The following NUDT13 variants were observed in gnomAD, a reference collection of about 807,000 sequenced individuals.
NUDT13 encodes the protein nudix hydrolase 13, also known as NAD(P)H pyrophosphatase NUDT13, mitochondrial.
Under a neutral mutation model 41.7 loss-of-function variants are expected in NUDT13, and 40 were observed. That is an observed-to-expected ratio of 0.96 (90% CI 0.75 to 1.25). The LOEUF is 1.25. Among genes scored for constraint, NUDT13 ranks in the 50% most tolerant of loss-of-function variants. The pLI is 0.00. For missense variants in NUDT13, 390 were observed against 416.1 expected (o/e 0.94, Z 0.55); for synonymous variants, 145 against 155.5 (o/e 0.93, Z 0.50).
rs752799303 is a variant in NUDT13 at position 73,126,693 on chromosome 10, A to G, written c.724A>G (p.Ile242Val). The G allele has an allele frequency of 6.2e-7, 1 of 1,614,200 alleles. No individual in the cohort carries two copies. The change falls in exon 8 of 9, where the codon ATC becomes GTC. Residue 242 changes from isoleucine to valine, a missense_variant. Ile to Val is a conservative substitution (Grantham distance 29, BLOSUM62 3). Coordinates refer to ENST00000357321, the MANE Select transcript of NUDT13 (RefSeq NM_015901.6). ...TGTAGGTGAAAGTGTGGAAGAGACC[A>G]TCCGCCGAGAAGTTGCAGAAGAGGT... ...CDIGESVEET[I>V]RREVAEEVGL...
rs760290897 is a variant in NUDT13 at position 73,120,045 on chromosome 10, T to C, written c.111T>C (p.Asp37=). ...TRYLFELKED[D]DACKKAQQTG... is the part of the protein sequence containing the mutation. ...ATTTATTTGAACTGAAGGAAGATGA[T>C]GATGCATGTAAAAAAGCCCAGCAAA... The change falls in exon 3 of 9, where the codon GAT becomes GAC. Residue 37 remains aspartate, a synonymous_variant. Transcript: ENST00000357321. 6 of 1,614,182 alleles carry C rather than the reference T, an allele frequency of 3.7e-6. No individual in the cohort carries two copies. The Admixed American group carries it at 6.7e-5, about 18-fold the overall frequency.
At chr10:73,114,329 T>C in intron 1 of NUDT13, 28 bp from the exon 2 acceptor site, 2 of 1,227,576 alleles carry the variant, frequency 1.6e-6, no homozygotes, top group South Asian at 1.5e-5. Context: ...TATGACTTTT[T>C]TTAAAACTCC....
chr10:73,119,733 C>T (rs1842597556), intron 2 of NUDT13, among the ~76,000 whole-genome samples: 1 of 152,148 alleles, frequency 6.6e-6, no homozygotes, highest in Non-Finnish European at 1.5e-5. Context: ...TAAAGCATAC[C>T]TTCCCCTTAA....
Position 73,130,843 on chromosome 10 carries a change from C to T in NUDT13, c.999C>T (p.Ile333=), listed in dbSNP as rs377517277. Residue 333 remains isoleucine (I), a synonymous_variant, in exon 9 of 9, where the codon ATC becomes ATT. Transcript: ENST00000357321. ...TCTGGCTGCCCCCTAAGTTAGCCAT[C>T]TCCCACCAACTGATTAAGGAGTGGG... ...FPFWLPPKLA[I]SHQLIKEWVE... is the part of the protein sequence containing the mutation. 6.2e-7 allele frequency: 1 copy of T among 1,614,008 alleles called. No individual in the cohort carries two copies. Among genetic ancestry groups the T allele is most frequent in the Non-Finnish European group, 8.5e-7 (1 of 1,179,962 alleles).
intron 3 of NUDT13, among the ~76,000 whole-genome samples, chr10:73,121,460 G>A (rs1446266501): frequency 6.6e-6 from 1 of 152,178 alleles, no homozygotes; most frequent in African/African-American, 2.4e-5. Flanking sequence ...GTTTTTGTGT[G>A]TGTTATGTTG....
intron 8 of NUDT13, among the ~76,000 whole-genome samples, chr10:73,127,565 C>T (rs888796894): frequency 6.6e-6 from 1 of 150,964 alleles, no homozygotes; most frequent in Non-Finnish European, 1.5e-5. Flanking sequence ...TGCAGTGGCG[C>T]GATCTCGGCT....
At position 73,114,403 on chromosome 10, in the gene NUDT13, T is replaced by G. The variant is rs752117831; in HGVS notation, c.38T>G (p.Phe13Cys). The G allele has an allele frequency of 6.3e-7, 1 of 1,597,760 alleles. No homozygotes were observed. The highest frequency in any genetic ancestry group is 1.7e-5 in the Admixed American group (1 of 59,718). Reference sequence around the variant, plus strand: ...TGTGGAATAGCTTGCAGGAGAAAATTTTTTTGGTGCTATAGGCTGCTGTCA... The same window carrying G: ...TGTGGAATAGCTTGCAGGAGAAAATGTTTTTGGTGCTATAGGCTGCTGTCA... ...LYCGIACRRK[F>C]FWCYRLLSTY... The change falls in exon 2 of 9, where the codon TTT (phenylalanine) becomes TGT (cysteine). Residue 13 changes from phenylalanine to cysteine, a missense_variant. Physicochemically the swap from Phe to Cys is radical, Grantham distance 205. Transcript: ENST00000357321.
At chr10:73,126,905 C>T (rs1027393697) in intron 8 of NUDT13, 78 bp downstream of exon 8, 10 of 1,227,816 alleles carry the variant, frequency 8.1e-6, no homozygotes, top group South Asian at 2.5e-5. Context: ...ACTTATTAAG[C>T]ACTTGTCTAG....
At position 73,131,027 on chromosome 10, in the gene NUDT13, G is replaced by T. The variant is rs1842906472; in HGVS notation, c.*124G>T. 4 of 730,560 alleles carry T rather than the reference G, an allele frequency of 5.5e-6. No homozygotes were observed. In the East Asian group the frequency reaches 1.1e-4, roughly 20 times the overall value. 45.3% of individuals were successfully genotyped at this position (730,560 alleles called of 1,614,324 possible). On this transcript the variant is annotated 3_prime_UTR_variant, in exon 9 of 9. Transcript: ENST00000357321. The stretch of plus-strand genomic sequence containing the variant: ...ACCTCAGAAGGGCAGAGCAAAGGGT[G>T]AGCCTACAGTAAGACACTTCTATCA...
intron 2 of NUDT13, among the ~76,000 whole-genome samples, chr10:73,116,266 C>A (rs572850956): frequency 1.2e-4 from 19 of 152,162 alleles, no homozygotes; most frequent in African/African-American, 4.6e-4. Flanking sequence ...GCCTTTACCT[C>A]CCAAAGTGCT....
chr10:73,130,244 C>T (rs1842883458), intron 8 of NUDT13: 1 of 151,666 alleles, frequency 6.6e-6, no homozygotes, highest in Non-Finnish European at 1.5e-5. Context: ...GGGTGGATCA[C>T]AAGATCAGGA....
In NUDT13 at chr10:73,131,473, T is replaced by C. The variant is rs1297527977; in HGVS notation, c.*570T>C. On this transcript the variant is annotated 3_prime_UTR_variant, in exon 9 of 9. Coordinates refer to ENST00000357321, the MANE Select transcript of NUDT13 (RefSeq NM_015901.6). ...ACAATTAAGTCATTATGACTCAGAGTACTTTATAATAAATCAGATGCCCTG... is the reference window on the plus strand; with the variant it reads ...ACAATTAAGTCATTATGACTCAGAGCACTTTATAATAAATCAGATGCCCTG... 6.5e-6 allele frequency: 1 copy of C among 154,984 alleles called. No individual in the cohort carries two copies. Among genetic ancestry groups the C allele is most frequent in the Non-Finnish European group, 1.4e-5 (1 of 69,782 alleles). 9.6% of individuals were successfully genotyped at this position (154,984 alleles called of 1,614,324 possible). A position where few individuals can be genotyped will look rare whatever the true frequency, so the allele number is the denominator to read the frequency against.
chr10:73,115,326 G>A (rs1052622017), intron 2 of NUDT13, among the ~76,000 whole-genome samples: 1 of 152,130 alleles, frequency 6.6e-6, no homozygotes, highest in Non-Finnish European at 1.5e-5. Flanking sequence ...ACAGGCATAT[G>A]CCACCATGCC....
Position 73,114,339 on chromosome 10 carries a change from CTTTTT to C in NUDT13, c.-9-8_-9-4del. ...CATATTATGACTTTTTTTAAAACTC[CTTTTT>C]TTTTTTTTTAAGGACCTGACAATGT... is the stretch of plus-strand genomic sequence containing the variant. On this transcript the variant is annotated splice_polypyrimidine_tract_variant and intron_variant, in intron 1 of 8. Coordinates refer to ENST00000357321, the MANE Select transcript of NUDT13 (RefSeq NM_015901.6). 5.5e-6 allele frequency: 6 copies of C among 1,081,202 alleles called. No individual in the cohort carries two copies. The highest frequency in any genetic ancestry group is 2.7e-5 in the East Asian group (1 of 37,254). 67.0% of individuals were successfully genotyped at this position (1,081,202 alleles called of 1,614,324 possible). A position where few individuals can be genotyped will look rare whatever the true frequency, so the allele number is the denominator to read the frequency against.
Position 73,125,210 on chromosome 10 carries a change from G to A in NUDT13, c.558G>A (p.Val186=). ...AGAACGTGGCTGGCAGCAAGCGTGTGTGCCCTTCCAATAATATAATCTATT... is the reference window on the plus strand; with the variant it reads ...AGAACGTGGCTGGCAGCAAGCGTGTATGCCCTTCCAATAATATAATCTATT... The part of the protein sequence containing the change: ...TKKNVAGSKR[V]CPSNNIIYYP... Residue 186 remains valine (V), a synonymous_variant, in exon 6 of 9, where the codon GTG becomes GTA. Transcript: ENST00000357321. 1.2e-6 allele frequency: 2 copies of A among 1,613,030 alleles called. No homozygotes were observed. Among genetic ancestry groups the A allele is most frequent in the Admixed American group, 1.7e-5 (1 of 59,568 alleles).
At position 73,125,442 on chromosome 10, in the gene NUDT13, C is replaced by T. The variant is rs151008171; in HGVS notation, c.636C>T (p.Cys212=). The T allele has an allele frequency of 8.1e-6, 13 of 1,613,022 alleles. No homozygotes were observed. In the African/African-American group the frequency reaches 1.7e-4, roughly 22 times the overall value. Residue 212 remains cysteine (C), a synonymous_variant, in exon 7 of 9, where the codon TGC becomes TGT. Coordinates refer to ENST00000357321, the MANE Select transcript of NUDT13 (RefSeq NM_015901.6). The part of the protein sequence containing the change: ...AITLVSDGTR[C]LLARQSSFPK... ...CGCTGGTGTCAGATGGGACCCGATG[C>T]CTGCTTGCCCGCCAAAGCTCCTTTC...
At position 73,130,889 on chromosome 10, in the gene NUDT13, T is replaced by C. The variant is rs1842904040; in HGVS notation, c.1045T>C (p.Ser349Pro). 5 of 1,613,448 alleles carry C rather than the reference T, an allele frequency of 3.1e-6. No homozygotes were observed. Among genetic ancestry groups the C allele is most frequent in the African/African-American group, 1.3e-5 (1 of 74,904 alleles). Reference sequence around the variant, plus strand: ...GTGGGTGGAAAAACAGACCTGTTCTTCCCTGCCTGCTTAGCCCGGATCAAG... The same window carrying C: ...GTGGGTGGAAAAACAGACCTGTTCTCCCCTGCCTGCTTAGCCCGGATCAAG... ...KEWVEKQTCS[S>P]LPA The change falls in exon 9 of 9, where the codon TCC becomes CCC. Residue 349 changes from serine (S) to proline (P), a missense_variant. Coordinates refer to ENST00000357321, the MANE Select transcript of NUDT13 (RefSeq NM_015901.6).
At chr10:73,128,218 T>C (rs1297793598) in intron 8 of NUDT13, among the ~76,000 whole-genome samples, 1 of 152,218 alleles carries the variant, frequency 6.6e-6, no homozygotes, top group East Asian at 1.9e-4. Context: ...CAGATATCTC[T>C]TCAAGATCTA....
intron 3 of NUDT13, among the ~76,000 whole-genome samples, chr10:73,120,662 GGC>G (rs1248810953): frequency 1.3e-5 from 2 of 152,182 alleles, no homozygotes; most frequent in African/African-American, 4.8e-5. Flanking sequence ...ATCATGGCCA[GGC>G]GCGGTGGCTC....
Sources: gnomAD v4.1 joint callset for allele counts (sites outside exome capture counted in the v4.1 genomes callset) on GRCh38, gnomAD v4.1.1 for gene constraint, MANE v1.5 for transcripts, NCBI Gene and HGNC (gene_info 2026-07-23, HGNC 2026-07-21) for gene names.